MLST8: variants seen among roughly 807,000 people sequenced by gnomAD.
MLST8 encodes the protein target of rapamycin complex subunit LST8.
Under a neutral mutation model 41.3 loss-of-function variants are expected in MLST8, and 20 were observed. The observed-to-expected ratio is 0.48, with a 90% CI of 0.34 to 0.70. The LOEUF is 0.70. Among genes scored for constraint, MLST8 ranks in the 30% least tolerant of loss-of-function variants. The pLI, the probability that MLST8 is intolerant of heterozygous loss-of-function variation, is 0.01. For synonymous variants in MLST8, 243 were observed against 183.0 expected (o/e 1.33, Z -2.65); for missense variants, 422 against 454.3 (o/e 0.93, Z 0.65).
Position 2,206,052 on chromosome 16 carries a change from G to A in MLST8, c.-34G>A, listed in dbSNP as rs557627062. 4 of 1,548,536 alleles carry A rather than the reference G, an allele frequency of 2.6e-6. No individual in the cohort carries two copies. Among genetic ancestry groups the A allele is most frequent in the Non-Finnish European group, 3.5e-6 (4 of 1,144,046 alleles). ...GCAGATGCTCTGACCTTTGACCCCT[G>A]CCGTTCAGCTCTAGGGCCCGTGCAG... On this transcript the variant is annotated 5_prime_UTR_variant, in exon 2 of 9. Coordinates refer to ENST00000569417, the MANE Select transcript of MLST8 (RefSeq NM_022372.6).
At chr16:2,205,537 C>T (rs1464951722) in intron 1 of MLST8, 25 bp downstream of exon 1, 1 of 345,926 alleles carries the variant, frequency 2.9e-6, no homozygotes, top group Non-Finnish European at 4.1e-6. Flanking sequence ...AGCCAGGGGC[C>T]GGGAACCGGC....
rs1436190852 is a variant in MLST8, at chr16:2,206,381, A to ACC, written c.154_155dup (p.Asp53ArgfsTer5). 1 of 1,614,116 alleles carries ACC rather than the reference A, an allele frequency of 6.2e-7. No homozygotes were observed. The highest frequency in any genetic ancestry group is 8.5e-7 in the Non-Finnish European group (1 of 1,180,024). Reference sequence around the variant, plus strand: ...AGCAGGTGAATGCCTTGGAGGTCACACCGGACCGCAGCATGATTGCTGCTG... The same window carrying ACC: ...AGCAGGTGAATGCCTTGGAGGTCACACCCCGGACCGCAGCATGATTGCTGCTG... On this transcript the variant is annotated frameshift_variant, in exon 3 of 9. Transcript: ENST00000569417. LOFTEE classifies it high-confidence loss of function.
In MLST8 at chr16:2,208,796, G is replaced by A. The variant is rs201873488; in HGVS notation, c.900G>A (p.Glu300=). 8.1e-6 allele frequency: 13 copies of A among 1,613,872 alleles called. No homozygotes were observed. The Admixed American group carries it at 2.2e-4, about 27-fold the overall frequency. The change falls in exon 9 of 9, where the codon GAG becomes GAA. Residue 300 remains glutamate (E), a synonymous_variant. Transcript: ENST00000569417. ...SDNLARLWCV[E]TGEIKREYGG... ...ACCTGGCCCGGCTCTGGTGTGTGGA[G>A]ACTGGAGAGATCAAGAGAGAGTATG...
At chr16:2,206,967 G>A in intron 4 of MLST8, 68 bp from the exon 5 acceptor site, 1 of 1,587,574 alleles carries the variant, frequency 6.3e-7, no homozygotes, top group Non-Finnish European at 8.6e-7. Context: ...GAATGGCCAG[G>A]CCGAGGCCAT....
intron 1 of MLST8, 170 bp from the exon 2 acceptor site, chr16:2,205,861 G>C (rs775944437): frequency 7.5e-7 from 1 of 1,332,554 alleles, no homozygotes. Context: ...ACGCGCCCTG[G>C]AGCCCCGGAG....
At chr16:2,206,008 G>C in intron 1 of MLST8, 23 bp from the exon 2 acceptor site, 1 of 1,514,780 alleles carries the variant, frequency 6.6e-7, no homozygotes, top group Non-Finnish European at 8.8e-7. Flanking sequence ...TGTCTTCTAA[G>C]TACTTCACAT....
At position 2,206,047 on chromosome 16, in the gene MLST8, C is replaced by T. The variant is rs758068642; in HGVS notation, c.-39C>T. The T allele has an allele frequency of 4.8e-5, 21 of 436,930 alleles. No homozygotes were observed. The highest frequency in any genetic ancestry group is 5.8e-5 in the Non-Finnish European group (17 of 292,102). 27.1% of individuals were successfully genotyped at this position (436,930 alleles called of 1,614,324 possible). ...TCTCTGCAGATGCTCTGACCTTTGA[C>T]CCCTGCCGTTCAGCTCTAGGGCCCG... On this transcript the variant is annotated 5_prime_UTR_variant, in exon 2 of 9. Transcript: ENST00000569417.
intron 1 of MLST8, 177 bp from the exon 2 acceptor site, chr16:2,205,854 C>T (rs1410215440): frequency 6.9e-6 from 9 of 1,306,108 alleles, no homozygotes; most frequent in South Asian, 1.8e-5. Context: ...ATGGAGCACG[C>T]GCCCTGGAGC....
At chr16:2,206,260 C>T in intron 2 of MLST8, 46 bp downstream of exon 2, 1 of 1,601,148 alleles carries the variant, frequency 6.2e-7, no homozygotes, top group Non-Finnish European at 8.5e-7. Flanking sequence ...GGGGATGCCT[C>T]GTGTGGGGAC....
At chr16:2,205,915 C>T (rs1567272451) in intron 1 of MLST8, 116 bp from the exon 2 acceptor site, 2 of 1,442,454 alleles carry the variant, frequency 1.4e-6, no homozygotes, top group African/African-American at 1.4e-5. Context: ...CCTACCTGCG[C>T]TTCTTGTCCC....
rs1467064071 is a variant in MLST8, at chr16:2,206,544, C to T, written c.229C>T (p.Pro77Ser). 14 of 1,613,864 alleles carry T rather than the reference C, an allele frequency of 8.7e-6. No homozygotes were observed. Among genetic ancestry groups the T allele is most frequent in the Non-Finnish European group, 1.2e-5 (14 of 1,179,908 alleles). The change falls in exon 4 of 9, where the codon CCC becomes TCC. Residue 77 changes from proline (P) to serine (S), a missense_variant. Coordinates refer to ENST00000569417, the MANE Select transcript of MLST8 (RefSeq NM_022372.6). ...TGATCTCAACTCCAATAACCCTAAC[C>T]CCATCATCAGCTACGACGGCGTCAA... ...MYDLNSNNPN[P>S]IISYDGVNKN... is the part of the protein sequence containing the mutation.
intron 4 of MLST8, 21 bp from the exon 5 acceptor site, chr16:2,207,014 G>A (rs746364035): frequency 6.2e-7 from 1 of 1,612,182 alleles, no homozygotes; most frequent in Non-Finnish European, 8.5e-7. Context: ...TGGACAGCAT[G>A]TGCCCCGGCC....
In MLST8 at chr16:2,208,888, C is replaced by T. The variant is rs904688027; in HGVS notation, c.*11C>T. ...AGTGTGCTGGGCTAGCCTGTGACCC[C>T]TCGGGACTGCCTGGTGCAGGTGGTG... On this transcript the variant is annotated 3_prime_UTR_variant, in exon 9 of 9. Coordinates refer to ENST00000569417, the MANE Select transcript of MLST8 (RefSeq NM_022372.6). 2.5e-6 allele frequency: 4 copies of T among 1,612,418 alleles called. No individual in the cohort carries two copies. The highest frequency in any genetic ancestry group is 3.4e-6 in the Non-Finnish European group (4 of 1,179,764).
Position 2,209,239 on chromosome 16 carries a change from A to C in MLST8, c.*362A>C, listed in dbSNP as rs532824381. 132 of 937,074 alleles carry C rather than the reference A, an allele frequency of 1.4e-4. No individual in the cohort carries two copies. The highest frequency in any genetic ancestry group is 3.1e-4 in the Middle Eastern group (1 of 3,268). 58.0% of individuals were successfully genotyped at this position (937,074 alleles called of 1,614,324 possible). A position where few individuals can be genotyped will look rare whatever the true frequency, so the allele number is the denominator to read the frequency against. On this transcript the variant is annotated 3_prime_UTR_variant, in exon 9 of 9. Coordinates refer to ENST00000569417, the MANE Select transcript of MLST8 (RefSeq NM_022372.6). Reference sequence around the variant, plus strand: ...GTTTCAGGGCCTCGGTCCATAGAGAACACCACCACCATGGCCAGGTGGAAG... The same window carrying C: ...GTTTCAGGGCCTCGGTCCATAGAGACCACCACCACCATGGCCAGGTGGAAG...
In MLST8 at chr16:2,208,339, G is replaced by T; in HGVS notation, c.698+5G>T. On this transcript the variant is annotated splice_donor_5th_base_variant and intron_variant, in intron 7 of 8. Coordinates refer to ENST00000569417, the MANE Select transcript of MLST8 (RefSeq NM_022372.6). ...TCGCTTCAGCCCCGACTCCACGTGC[G>T]TGCAGGGCCTGCTGGCCCGGGAGGG... 1 of 1,605,792 alleles carries T rather than the reference G, an allele frequency of 6.2e-7. No individual in the cohort carries two copies. Among genetic ancestry groups the T allele is most frequent in the Non-Finnish European group, 8.5e-7 (1 of 1,174,458 alleles).
chr16:2,207,126 G>A lies in MLST8; in HGVS notation c.420+16G>A, dbSNP rs772282045. 1.9e-6 allele frequency: 3 copies of A among 1,613,452 alleles called. No homozygotes were observed. Among genetic ancestry groups the A allele is most frequent in the African/African-American group, 1.3e-5 (1 of 75,046 alleles). ...CCCCAACCAGGTGAGGGGTGCTCAT[G>A]GGGCCAGGCACCCTGGGACTTTGGA... On this transcript the variant is annotated intron_variant, in intron 5 of 8. Coordinates refer to ENST00000569417, the MANE Select transcript of MLST8 (RefSeq NM_022372.6).
Position 2,205,776 on chromosome 16 carries a change from G to C in MLST8, c.-55-255G>C, listed in dbSNP as rs908163780. 6.7e-6 allele frequency: 7 copies of C among 1,051,472 alleles called. No homozygotes were observed. The African/African-American group carries it at 8.4e-5, about 13-fold the overall frequency. The allele number at this position is 1,051,472 out of a possible 1,614,324, so 65.1% of individuals were successfully genotyped here. ...CCCTGCGGCAGAGTGGCGCCCGCGC[G>C]TGACTCCCCCCTGCCGGCTGCGGAG... On this transcript the variant is annotated intron_variant, in intron 1 of 8. Coordinates refer to ENST00000569417, the MANE Select transcript of MLST8 (RefSeq NM_022372.6).
intron 2 of MLST8, 27 bp downstream of exon 2, chr16:2,206,241 C>T (rs1238760323): frequency 1.2e-6 from 2 of 1,600,360 alleles, no homozygotes; most frequent in Non-Finnish European, 8.5e-7. Flanking sequence ...GCGGGCAGGG[C>T]GGCGCTGGGG....
At position 2,209,000 on chromosome 16, in the gene MLST8, G is replaced by A; in HGVS notation, c.*123G>A. Reference sequence around the variant, plus strand: ...CAGCTGGACCTGATGGCCCCCTGTGGCGCCTTGACCTGCTGGGCCAGGCTG... The same window carrying A: ...CAGCTGGACCTGATGGCCCCCTGTGACGCCTTGACCTGCTGGGCCAGGCTG... On this transcript the variant is annotated 3_prime_UTR_variant, in exon 9 of 9. Coordinates refer to ENST00000569417, the MANE Select transcript of MLST8 (RefSeq NM_022372.6). 1.8e-6 allele frequency: 2 copies of A among 1,111,130 alleles called. No homozygotes were observed. Among genetic ancestry groups the A allele is most frequent in the East Asian group, 2.4e-5 (1 of 42,338 alleles). 68.8% of individuals were successfully genotyped at this position (1,111,130 alleles called of 1,614,324 possible).
Sources: gnomAD v4.1 joint callset for allele counts on GRCh38, gnomAD v4.1.1 for gene constraint, MANE v1.5 for transcripts, NCBI Gene and HGNC (gene_info 2026-07-23, HGNC 2026-07-21) for gene names.